TENM3: variants seen among roughly 807,000 people sequenced by gnomAD.
TENM3 encodes teneurin-3.
In TENM3, 63 loss-of-function variants were observed where a neutral mutation model predicts 255.1. That is an observed-to-expected ratio of 0.25 (90% confidence interval 0.20 to 0.30). The LOEUF (loss-of-function observed/expected upper bound fraction) is 0.30, where lower values mean the gene tolerates loss of function less well. TENM3 is among the 10% of genes least tolerant of loss of function. The pLI is 1.00. For synonymous variants in TENM3, 1,306 were observed against 1,322.3 expected (o/e 0.99, Z 0.27); for missense variants, 2,929 against 3,461.1 (o/e 0.85, Z 3.86).
intron 3 of TENM3, among the ~76,000 whole-genome samples, chr4:182,571,664 C>T (rs1160859211): frequency 6.6e-6 from 1 of 152,120 alleles, no homozygotes; most frequent in African/African-American, 2.4e-5. Flanking sequence ...TTAGATTTTC[C>T]TGATAATACA....
In TENM3 at chr4:182,730,909, C is replaced by T. The variant is rs1371843310; in HGVS notation, c.2737C>T (p.Leu913=). 6.2e-7 allele frequency: 1 copy of T among 1,613,908 alleles called. No homozygotes were observed. Among genetic ancestry groups the T allele is most frequent in the Non-Finnish European group, 8.5e-7 (1 of 1,179,844 alleles). ...FDLVANGGAS[L]TLVFERSPFL... ...CTTGGTGGCAAATGGTGGGGCCTCTCTAACTTTGGTATTTGAACGATCCCC... is the reference window on the plus strand; with the variant it reads ...CTTGGTGGCAAATGGTGGGGCCTCTTTAACTTTGGTATTTGAACGATCCCC... Residue 913 remains leucine, a synonymous_variant, in exon 16 of 28, where the codon CTA becomes TTA. Coordinates refer to ENST00000511685, the MANE Select transcript of TENM3 (RefSeq NM_001080477.4).
At chr4:181,964,453 C>A in the TENM3 span, among the ~76,000 whole-genome samples, 3 of 152,178 alleles carry the variant, frequency 2.0e-5, no homozygotes, top group East Asian at 1.9e-4. Flanking sequence ...GAAGAAAAGC[C>A]TTGCTGTGTT....
chr4:182,468,469 T>C (rs144301871), intron 3 of TENM3, among the ~76,000 whole-genome samples: 3,328 of 152,236 alleles, frequency 0.022, 46 homozygotes, highest in Middle Eastern at 0.044. Flanking sequence ...AACAGACGCC[T>C]CAAAGACCTT....
intron 3 of TENM3, among the ~76,000 whole-genome samples, chr4:182,390,184 GTTC>G (rs999364689): frequency 6.6e-6 from 1 of 152,130 alleles, no homozygotes; most frequent in African/African-American, 2.4e-5. Context: ...AGTTCAGAGA[GTTC>G]TTCTTTTTGA....
intron 1 of TENM3, among the ~76,000 whole-genome samples, chr4:182,160,213 A>C (rs962823920): frequency 6.6e-6 from 1 of 151,742 alleles, no homozygotes; most frequent in East Asian, 1.9e-4. Flanking sequence ...CGTGTTAGCC[A>C]GGATGGTCTC....
the TENM3 span, among the ~76,000 whole-genome samples, chr4:181,978,334 G>A: frequency 1.7e-3 from 255 of 152,166 alleles, 2 homozygotes; most frequent in African/African-American, 6.0e-3. Flanking sequence ...GTGAAGCATC[G>A]ATTTTGACAG....
the TENM3 span, among the ~76,000 whole-genome samples, chr4:181,767,050 A>T: frequency 7.2e-6 from 1 of 139,712 alleles, no homozygotes; most frequent in East Asian, 2.2e-4. Flanking sequence ...CAGGAGATCA[A>T]GACCATTCTG....
intron 4 of TENM3, among the ~76,000 whole-genome samples, chr4:182,628,411 T>G (rs1278031156): frequency 1.3e-5 from 2 of 152,228 alleles, no homozygotes; most frequent in African/African-American, 4.8e-5. Context: ...TGATCATTTA[T>G]ATGTATAAAT....
intron 3 of TENM3, among the ~76,000 whole-genome samples, chr4:182,387,009 C>A (rs920930221): frequency 1.3e-5 from 2 of 152,218 alleles, no homozygotes; most frequent in Admixed American, 6.5e-5. Flanking sequence ...AGCCAGCTGG[C>A]CTCCTGAGTC....
At chr4:182,148,722 T>C (rs986983202) in intron 1 of TENM3, among the ~76,000 whole-genome samples, 2 of 152,100 alleles carry the variant, frequency 1.3e-5, no homozygotes, top group Admixed American at 1.3e-4. Flanking sequence ...AGGTAATTCC[T>C]TAATGGAAAT....
the TENM3 span, among the ~76,000 whole-genome samples, chr4:181,680,696 G>T: frequency 1.3e-5 from 2 of 152,238 alleles, no homozygotes; most frequent in East Asian, 3.9e-4. Context: ...TTCTGTAAAA[G>T]ATTGCCATGC....
chr4:182,599,144 T>G (rs550725989), intron 3 of TENM3, among the ~76,000 whole-genome samples: 21 of 152,326 alleles, frequency 1.4e-4, no homozygotes, highest in Non-Finnish European at 2.6e-4. Context: ...AAATGTACCT[T>G]AAAGACATCC....
chr4:182,105,633 T>C, the TENM3 span, among the ~76,000 whole-genome samples: 1 of 152,180 alleles, frequency 6.6e-6, no homozygotes, highest in Non-Finnish European at 1.5e-5. Context: ...CCCATGGAGT[T>C]AGAGCACATC....
the TENM3 span, among the ~76,000 whole-genome samples, chr4:181,486,309 A>G: frequency 0.11 from 17,457 of 152,178 alleles, 1,066 homozygotes; most frequent in Middle Eastern, 0.23. Flanking sequence ...CTGCCAGCAC[A>G]GCTGAAATCC....
intron 13 of TENM3, among the ~76,000 whole-genome samples, chr4:182,717,700 T>C (rs1293819473): frequency 6.6e-6 from 1 of 152,216 alleles, no homozygotes; most frequent in Non-Finnish European, 1.5e-5. Context: ...CGTAGACACT[T>C]TGGGAGCAAC....
At chr4:182,434,270 A>G (rs1200487179) in intron 3 of TENM3, among the ~76,000 whole-genome samples, 1 of 152,156 alleles carries the variant, frequency 6.6e-6, no homozygotes, top group Non-Finnish European at 1.5e-5. Context: ...AACCTTGAGA[A>G]AAAAAGGCAA....
At chr4:181,912,769 CAAA>C in the TENM3 span, among the ~76,000 whole-genome samples, 18 of 83,606 alleles carry the variant, frequency 2.2e-4, no homozygotes, top group Admixed American at 7.1e-4. Context: ...AAGACTATCT[CAAA>C]AAAAAAAAAA....
intron 3 of TENM3, among the ~76,000 whole-genome samples, chr4:182,577,252 G>C (rs755540931): frequency 6.6e-6 from 1 of 152,182 alleles, no homozygotes; most frequent in Admixed American, 6.5e-5. Flanking sequence ...GCTCAAAAGC[G>C]AGGAGGCAAT....
At chr4:182,199,596 GA>G (rs1018661846) in intron 1 of TENM3, among the ~76,000 whole-genome samples, 1 of 151,218 alleles carries the variant, frequency 6.6e-6, no homozygotes, top group Non-Finnish European at 1.5e-5. Context: ...TGTGTTGTTA[GA>G]AAAAAATAAT....
Sources: gnomAD v4.1 joint callset for allele counts (sites outside exome capture counted in the v4.1 genomes callset) on GRCh38, gnomAD v4.1.1 for gene constraint, MANE v1.5 for transcripts, NCBI Gene and HGNC (gene_info 2026-07-23, HGNC 2026-07-21) for gene names.